Variants in NAF1 observed in about 807,000 individuals in gnomAD.
The protein encoded by NAF1 is H/ACA ribonucleoprotein complex non-core subunit NAF1.
A neutral mutation model predicts 40.6 loss-of-function variants in NAF1; 11 were observed. That is an observed-to-expected ratio of 0.27 (90% CI 0.17 to 0.45). The LOEUF (loss-of-function observed/expected upper bound fraction) is 0.45, where lower values mean the gene tolerates loss of function less well. Ranked by LOEUF, NAF1 falls within the 20% of genes least tolerant of loss-of-function variation. The pLI, the probability that NAF1 is intolerant of heterozygous loss-of-function variation, is 1.00. For missense variants in NAF1, 607 were observed against 611.1 expected, an observed-to-expected ratio of 0.99 and a Z score of 0.07; for synonymous variants, 260 against 228.5, an observed-to-expected ratio of 1.14 and a Z score of -1.24.
chr4:163,129,662 A>C (rs1730794435), intron 7 of NAF1, among the ~76,000 whole-genome samples: 1 of 152,194 alleles, frequency 6.6e-6, no homozygotes, highest in South Asian at 2.1e-4. Flanking sequence ...TATCCTTGAC[A>C]GGCAGTAATG....
chr4:163,132,549 T>C (rs1014723594), intron 7 of NAF1, among the ~76,000 whole-genome samples: 2 of 152,212 alleles, frequency 1.3e-5, no homozygotes, highest in African/African-American at 4.8e-5. Flanking sequence ...ACATTAATGG[T>C]TGCCATGAGT....
At chr4:163,164,134 G>A (rs936098154) in intron 2 of NAF1, 83 bp downstream of exon 2, 18 of 1,363,474 alleles carry the variant, frequency 1.3e-5, no homozygotes, top group Middle Eastern at 2.8e-4. Flanking sequence ...TTATGGAGCA[G>A]ATATAGGCAA....
At chr4:163,120,175 T>G (rs1730475341) in intron 2 of NAF1, among the ~76,000 whole-genome samples, 1 of 152,188 alleles carries the variant, frequency 6.6e-6, no homozygotes, top group South Asian at 2.1e-4. Flanking sequence ...CACTCCTGTA[T>G]GTCATGGGAG....
intron 2 of NAF1, among the ~76,000 whole-genome samples, chr4:163,113,953 C>T (rs1730245196): frequency 6.6e-6 from 1 of 152,138 alleles, no homozygotes. Flanking sequence ...TACTCTAATT[C>T]ACTTCTATTA....
At chr4:163,150,200 T>C (rs189777912) in intron 2 of NAF1, among the ~76,000 whole-genome samples, 1 of 152,296 alleles carries the variant, frequency 6.6e-6, no homozygotes, top group Non-Finnish European at 1.5e-5. Context: ...AGTTATGCTT[T>C]GATATAAATC....
intron 5 of NAF1, among the ~76,000 whole-genome samples, chr4:163,137,725 T>C (rs140507785): frequency 6.6e-6 from 1 of 152,294 alleles, no homozygotes; most frequent in African/African-American, 2.4e-5. Flanking sequence ...ACCTGAGGAA[T>C]GTCAGCAATC....
chr4:163,136,108 C>T lies in NAF1; in HGVS notation c.930+1091G>A, dbSNP rs1301134707. 9 of 152,158 alleles carry T rather than the reference C, an allele frequency of 5.9e-5. No homozygotes were observed. In the East Asian group the frequency reaches 1.5e-3, roughly 26 times the overall value. The allele number at this position is 152,158 out of a possible 1,614,324, so 9.4% of individuals were successfully genotyped here. A position where few individuals can be genotyped will look rare whatever the true frequency, so the allele number is the denominator to read the frequency against. On this transcript the variant is annotated intron_variant, in intron 6 of 7. Transcript: ENST00000274054. ...ATTCATACCTCAGTAAAATTAGAAACACAGATCATGATTTACGATTGCTTT... is the reference window on the plus strand; with the variant it reads ...ATTCATACCTCAGTAAAATTAGAAATACAGATCATGATTTACGATTGCTTT...
At chr4:163,153,983 A>G (rs1431038366) in intron 2 of NAF1, among the ~76,000 whole-genome samples, 3 of 151,810 alleles carry the variant, frequency 2.0e-5, no homozygotes, top group Non-Finnish European at 4.4e-5. Flanking sequence ...GGAGGAACAA[A>G]CAACTCCAGA....
chr4:163,116,382 G>A (rs1730338789), intron 2 of NAF1, among the ~76,000 whole-genome samples: 1 of 151,878 alleles, frequency 6.6e-6, no homozygotes, highest in African/African-American at 2.4e-5. Context: ...ATTTTTGTTC[G>A]TGTGTGTGTG....
At chr4:163,132,911 A>T (rs553817458) in intron 7 of NAF1, among the ~76,000 whole-genome samples, 6 of 152,374 alleles carry the variant, frequency 3.9e-5, no homozygotes, top group South Asian at 4.1e-4. Flanking sequence ...TAGGTATCTT[A>T]AGAAAAAAGT....
chr4:163,113,810 A>T (rs1042243144), intron 2 of NAF1, among the ~76,000 whole-genome samples: 1 of 152,236 alleles, frequency 6.6e-6, no homozygotes, highest in African/African-American at 2.4e-5. Flanking sequence ...ACTTAAAGTT[A>T]TCTTCTCCAG....
chr4:163,126,993 A>G, downstream of NAF1: 1 of 1,551,182 alleles, frequency 6.4e-7, no homozygotes, highest in Non-Finnish European at 8.7e-7. Flanking sequence ...TGCATACTTA[A>G]TAAACTAAAG....
chr4:163,158,778 T>G (rs1014831926), intron 2 of NAF1, among the ~76,000 whole-genome samples: 1 of 152,112 alleles, frequency 6.6e-6, no homozygotes, highest in African/African-American at 2.4e-5. Flanking sequence ...TTTCATCAAC[T>G]TTAAGACACT....
chr4:163,132,531 T>C (rs1364222744), intron 7 of NAF1, among the ~76,000 whole-genome samples: 1 of 152,158 alleles, frequency 6.6e-6, no homozygotes, highest in Non-Finnish European at 1.5e-5. Context: ...TATATGAAAA[T>C]GGAGAACACA....
At chr4:163,115,454 C>A (rs981308139) in intron 2 of NAF1, among the ~76,000 whole-genome samples, 2 of 152,088 alleles carry the variant, frequency 1.3e-5, no homozygotes, top group Non-Finnish European at 2.9e-5. Flanking sequence ...CCTCGGCCTC[C>A]CAAAGTGCTG....
At chr4:163,141,842 T>C (rs1239967691) in intron 4 of NAF1, 4 of 606,836 alleles carry the variant, frequency 6.6e-6, no homozygotes, top group East Asian at 2.8e-4. Flanking sequence ...CAGTTCTTGA[T>C]TTTTGATAGT....
In NAF1 at chr4:163,143,792, G is replaced by C. The variant is rs1324892767; in HGVS notation, c.717+1990C>G. Among the ~76,000 whole-genome samples the C allele has an allele frequency of 2.6e-5, 4 of 152,190 alleles. No individual in the cohort carries two copies. In the East Asian group the frequency reaches 7.7e-4, roughly 29 times the overall value. On this transcript the variant is annotated intron_variant, in intron 4 of 7. Coordinates refer to ENST00000274054, the MANE Select transcript of NAF1 (RefSeq NM_138386.3). ...AGCTTTGGGCTAAACTGCCAAAGGA[G>C]AAAGGAAATGAGGAAATGAACCTTT...
In NAF1 at chr4:163,166,378, T is replaced by C. The variant is rs1173616911; in HGVS notation, c.350A>G (p.Asp117Gly). The change falls in exon 1 of 8, where the codon GAT becomes GGT. Residue 117 changes from aspartate (D) to glycine (G), a missense_variant. Asp to Gly is a moderately conservative substitution (Grantham distance 94, BLOSUM62 -1). Coordinates refer to ENST00000274054, the MANE Select transcript of NAF1 (RefSeq NM_138386.3). ...APDSLETSDSDSDSDSETDSD... is the reference protein window; with the variant it reads ...APDSLETSDSGSDSDSETDSD... ...GGCACCCGACCTGTCCGAGTCCGAA[T>C]CCGAGTCCGAGGTCTCCAAGGAGTC... is the stretch of plus-strand genomic sequence containing the variant. 1 of 1,603,866 alleles carries C rather than the reference T, an allele frequency of 6.2e-7. No individual in the cohort carries two copies. Among genetic ancestry groups the C allele is most frequent in the Admixed American group, 1.7e-5 (1 of 59,122 alleles).
intron 2 of NAF1, among the ~76,000 whole-genome samples, chr4:163,153,023 A>C (rs948057639): frequency 2.0e-5 from 3 of 152,146 alleles, no homozygotes; most frequent in African/African-American, 7.2e-5. Context: ...TGGGTCCCCC[A>C]GCAGTGCCAG....
Sources: allele counts gnomAD v4.1 joint callset (sites outside exome capture counted in the v4.1 genomes callset), GRCh38; gene constraint gnomAD v4.1.1; transcripts MANE v1.5; gene names NCBI Gene and HGNC (gene_info 2026-07-23, HGNC 2026-07-21).